Variants in ZC3H3 observed in about 807,000 individuals in gnomAD.
ZC3H3 encodes zinc finger CCCH domain-containing protein 3.
A neutral mutation model predicts 77.3 loss-of-function variants in ZC3H3; 36 were observed. That is an observed-to-expected ratio of 0.47 (90% CI 0.36 to 0.61). ZC3H3 has a LOEUF of 0.61. Among genes scored for constraint, ZC3H3 ranks in the 20% least tolerant of loss-of-function variants. ZC3H3 has a pLI of 0.00. For missense variants in ZC3H3, 1,331 were observed against 1,312.2 expected, an observed-to-expected ratio of 1.01 and a Z score of -0.22; for synonymous variants, 626 against 555.2, an observed-to-expected ratio of 1.13 and a Z score of -1.79.
At chr8:143,481,104 G>T (rs1820896084) in intron 4 of ZC3H3, among the ~76,000 whole-genome samples, 1 of 152,188 alleles carries the variant, frequency 6.6e-6, no homozygotes, top group African/African-American at 2.4e-5. Flanking sequence ...TGTTCAACAG[G>T]GTCTTCCAAG....
In ZC3H3 at chr8:143,441,075, C is replaced by T. The variant is rs748229229; in HGVS notation, c.2353G>A (p.Gly785Arg). The change falls in exon 10 of 12, where the codon GGG (glycine) becomes AGG (arginine). Residue 785 changes from glycine to arginine, a missense_variant. Transcript: ENST00000262577. The part of the protein sequence containing the change: ...TLLCPDFARR[G>R]ACPRGAQCQL... ...CACTGGGCGCCGCGGGGACACGCCC[C>T]CCTGCGGGCAAAGTCGGGGCACAGC... The T allele has an allele frequency of 1.2e-5, 18 of 1,470,956 alleles. No individual in the cohort carries two copies. In the South Asian group the frequency reaches 2.2e-4, roughly 18 times the overall value. The allele number at this position is 1,470,956 out of a possible 1,614,324, so 91.1% of individuals were successfully genotyped here.
chr8:143,498,148 C>T (rs957865539), intron 4 of ZC3H3, among the ~76,000 whole-genome samples: 9 of 152,198 alleles, frequency 5.9e-5, no homozygotes, highest in East Asian at 1.9e-4. Context: ...CAGCCTGCTA[C>T]AGCCACCTGC....
In ZC3H3 at chr8:143,539,069, C is replaced by T. The variant is rs542311174; in HGVS notation, c.298G>A (p.Gly100Arg). ...HAVRPLHGAR[G>R]GQPPVPQQHV... ...TGCTGCGGGACAGGAGGCTGGCCCC[C>T]CCGGGCCCCGTGCAACGGCCGCACA... Residue 100 changes from glycine (G) to arginine (R), a missense_variant, in exon 2 of 12, where the codon GGG becomes AGG. By Grantham distance (125) the Gly-to-Arg change is moderately radical. Coordinates refer to ENST00000262577, the MANE Select transcript of ZC3H3 (RefSeq NM_015117.3). The T allele has an allele frequency of 1.9e-6, 3 of 1,612,974 alleles. No homozygotes were observed. The highest frequency in any genetic ancestry group is 1.7e-5 in the Admixed American group (1 of 60,024).
At position 143,497,543 on chromosome 8, in the gene ZC3H3, T is replaced by C. The variant is rs149535220; in HGVS notation, c.1715+10203A>G. Among the ~76,000 whole-genome samples, 1,294 of 152,336 alleles carry C rather than the reference T, an allele frequency of 8.5e-3. 16 individuals are homozygous for C. Among genetic ancestry groups the C allele is most frequent in the African/African-American group, 0.03 (1,232 of 41,570 alleles). ...AGCACCGCCTGCCCCTGTCCCATCC[T>C]GGCAGCTGTGGTCTTTTGGTGCTGA... On this transcript the variant is annotated intron_variant, in intron 4 of 11. Transcript: ENST00000262577.
chr8:143,538,952 A>G lies in ZC3H3; in HGVS notation c.415T>C (p.Ser139Pro), dbSNP rs200467517. ...TCCAAAGAGCCCCGCTGGGCCCCTG[A>G]GGCACTGGCAGAGCCAGACTTTGAT... is the stretch of plus-strand genomic sequence containing the variant. ...PPSKSGSASA[S>P]GAQRGSLEEF... Residue 139 changes from serine (S) to proline (P), a missense_variant, in exon 2 of 12, where the codon TCA (serine) becomes CCA (proline). Around this residue, in one of 3 missense-constraint regions of ZC3H3, gnomAD observed 978 missense variants for 915.5 expected, o/e 1.07. Coordinates refer to ENST00000262577, the MANE Select transcript of ZC3H3 (RefSeq NM_015117.3). The G allele has an allele frequency of 9.0e-4, 1,456 of 1,613,038 alleles. 8 individuals carry two copies. Among genetic ancestry groups the G allele is most frequent in the Non-Finnish European group, 4.1e-4 (484 of 1,180,032 alleles).
At chr8:143,541,308 GGCAGGGGACCC>G in intron 1 of ZC3H3, 57 bp downstream of exon 1, 1 of 1,597,630 alleles carries the variant, frequency 6.3e-7, no homozygotes, top group Non-Finnish European at 8.5e-7. Flanking sequence ...TCGACAAGGG[GGCAGGGGACCC>G]GCCGCGAGGT....
Position 143,438,005 on chromosome 8 carries a change from C to T in ZC3H3, c.*51G>A, listed in dbSNP as rs762816332. ...GTAGAGTGGTGGACAGAGCCTCTTT[C>T]CTCTCCAAGGATGAGGGTCTGAGGT... is the stretch of plus-strand genomic sequence containing the variant. On this transcript the variant is annotated 3_prime_UTR_variant, in exon 12 of 12. Coordinates refer to ENST00000262577, the MANE Select transcript of ZC3H3 (RefSeq NM_015117.3). The T allele has an allele frequency of 6.3e-7, 1 of 1,591,294 alleles. No individual in the cohort carries two copies. Among genetic ancestry groups the T allele is most frequent in the South Asian group, 1.1e-5 (1 of 87,644 alleles).
At position 143,441,083 on chromosome 8, in the gene ZC3H3, G is replaced by A; in HGVS notation, c.2345C>T (p.Ala782Val). Residue 782 changes from alanine (A) to valine (V), a missense_variant, in exon 10 of 12, where the codon GCC becomes GTC. By Grantham distance (64) the Ala-to-Val change is moderately conservative. Coordinates refer to ENST00000262577, the MANE Select transcript of ZC3H3 (RefSeq NM_015117.3). Reference protein sequence around the residue: ...KKHTLLCPDFARRGACPRGAQ... With the variant: ...KKHTLLCPDFVRRGACPRGAQ... ...GCCGCGGGGACACGCCCCCCTGCGG[G>A]CAAAGTCGGGGCACAGCAGCGTGTG... 1.4e-6 allele frequency: 2 copies of A among 1,464,928 alleles called. No individual in the cohort carries two copies. Among genetic ancestry groups the A allele is most frequent in the East Asian group, 2.8e-5 (1 of 35,564 alleles). 90.7% of individuals were successfully genotyped at this position (1,464,928 alleles called of 1,614,324 possible).
chr8:143,537,367 G>A (rs190226147), intron 2 of ZC3H3, among the ~76,000 whole-genome samples: 1 of 152,338 alleles, frequency 6.6e-6, no homozygotes, highest in Non-Finnish European at 1.5e-5. Flanking sequence ...AGAGCCCAAA[G>A]CCAGGAATGC....
At chr8:143,440,722 G>T (rs1819718170) in intron 10 of ZC3H3, among the ~76,000 whole-genome samples, 1 of 152,204 alleles carries the variant, frequency 6.6e-6, no homozygotes. Context: ...TTCCTCCATT[G>T]GCCAGGGATG....
At chr8:143,499,318 G>A (rs2130394461) in intron 4 of ZC3H3, among the ~76,000 whole-genome samples, 1 of 152,202 alleles carries the variant, frequency 6.6e-6, no homozygotes, top group East Asian at 1.9e-4. Context: ...AACACCCAGG[G>A]CCAGAGCATG....
intron 3 of ZC3H3, among the ~76,000 whole-genome samples, chr8:143,512,980 G>A (rs1821919062): frequency 6.6e-6 from 1 of 152,120 alleles, no homozygotes; most frequent in Non-Finnish European, 1.5e-5. Context: ...AGAGAGCAGG[G>A]CATAGGCCCA....
intron 9 of ZC3H3, among the ~76,000 whole-genome samples, chr8:143,465,353 C>G (rs1251165864): frequency 1.3e-5 from 2 of 152,146 alleles, no homozygotes; most frequent in African/African-American, 4.8e-5. Context: ...CTGCGGGCTC[C>G]CTGGCCTCCA....
At chr8:143,499,970 C>G (rs1821476070) in intron 4 of ZC3H3, among the ~76,000 whole-genome samples, 1 of 152,182 alleles carries the variant, frequency 6.6e-6, no homozygotes, top group African/African-American at 2.4e-5. Context: ...CCTGATAACC[C>G]CTGGCCCCCC....
intron 11 of ZC3H3, among the ~76,000 whole-genome samples, chr8:143,438,417 G>C (rs912518239): frequency 6.6e-6 from 1 of 152,228 alleles, no homozygotes; most frequent in African/African-American, 2.4e-5. Flanking sequence ...AAGGTCTGCA[G>C]GGTGGGCCAT....
chr8:143,540,557 A>G (rs1822977007), intron 1 of ZC3H3, among the ~76,000 whole-genome samples: 1 of 152,124 alleles, frequency 6.6e-6, no homozygotes, highest in African/African-American at 2.4e-5. Context: ...GTTTAGAAAG[A>G]CCAATTTGGG....
intron 3 of ZC3H3, among the ~76,000 whole-genome samples, chr8:143,528,425 G>A (rs1418842540): frequency 6.6e-6 from 1 of 152,230 alleles, no homozygotes; most frequent in Non-Finnish European, 1.5e-5. Context: ...GCAGGTCAGG[G>A]CTCCACCCAT....
At chr8:143,441,996 G>A (rs547966048) in intron 9 of ZC3H3, among the ~76,000 whole-genome samples, 1 of 152,278 alleles carries the variant, frequency 6.6e-6, no homozygotes, top group Admixed American at 6.5e-5. Context: ...ATCTGTCACG[G>A]CACTAGAGTG....
chr8:143,472,693 C>T (rs1820604208), intron 5 of ZC3H3, among the ~76,000 whole-genome samples: 1 of 152,232 alleles, frequency 6.6e-6, no homozygotes, highest in Non-Finnish European at 1.5e-5. Context: ...CCCAGCCCAA[C>T]AAACGTGGGC....
Sources: allele counts gnomAD v4.1 joint callset (sites outside exome capture counted in the v4.1 genomes callset), GRCh38; gene constraint gnomAD v4.1.1; regional missense constraint gnomAD v4.1.1; transcripts MANE v1.5; gene names NCBI Gene and HGNC (gene_info 2026-07-23, HGNC 2026-07-21).